The following CCDC18 variants were observed in gnomAD, a reference collection of about 807,000 sequenced individuals.
CCDC18 encodes coiled-coil domain-containing protein 18.
CCDC18 carries 157 observed loss-of-function variants against 196.0 expected under a neutral mutation model. The ratio of observed to expected loss-of-function variants is 0.80; its 90% CI spans 0.70 to 0.91. The LOEUF is 0.91. CCDC18 is among the 40% of genes least tolerant of loss of function. CCDC18 has a pLI of 0.00. For missense variants in CCDC18, 1,465 were observed against 1,611.6 expected, an observed-to-expected ratio of 0.91 and a Z score of 1.56; for synonymous variants, 482 against 529.2, an observed-to-expected ratio of 0.91 and a Z score of 1.22.
At chr1:93,215,389 T>A (rs1233885016) in intron 12 of CCDC18, among the ~76,000 whole-genome samples, 3 of 151,974 alleles carry the variant, frequency 2.0e-5, no homozygotes, top group African/African-American at 7.2e-5. Context: ...TATTTCTGGG[T>A]CCTGTTCCAG....
intron 13 of CCDC18, among the ~76,000 whole-genome samples, chr1:93,217,287 G>A (rs1451104268): frequency 1.3e-5 from 2 of 151,732 alleles, no homozygotes; most frequent in Admixed American, 6.6e-5. Context: ...TCTTTGATAT[G>A]CTTCTTGATA....
intron 18 of CCDC18, 125 bp downstream of exon 18, chr1:93,232,718 T>A: frequency 2.9e-6 from 2 of 694,088 alleles, no homozygotes; most frequent in Non-Finnish European, 2.3e-6. Context: ...TGCCCATAAT[T>A]CCAGCACTTT....
rs1196818359 is a variant in CCDC18, at chr1:93,256,320, C to A, written c.3343-15C>A. 1 of 1,609,992 alleles carries A rather than the reference C, an allele frequency of 6.2e-7. No individual in the cohort carries two copies. On this transcript the variant is annotated splice_polypyrimidine_tract_variant and intron_variant, in intron 24 of 28. Transcript: ENST00000690025. ...TATTTCATTCTGAAACCTACAAATACCTTATGCTTTTCAGGTTATGAAAGA... is the reference window on the plus strand; with the variant it reads ...TATTTCATTCTGAAACCTACAAATAACTTATGCTTTTCAGGTTATGAAAGA...
intron 14 of CCDC18, among the ~76,000 whole-genome samples, 184 bp downstream of exon 14, chr1:93,218,053 G>A (rs1478675826): frequency 6.6e-6 from 1 of 152,120 alleles, no homozygotes; most frequent in African/African-American, 2.4e-5. Context: ...TATGCCTTCT[G>A]TTTCAGCTGT....
At chr1:93,233,579 T>G (rs1175173363) in intron 18 of CCDC18, among the ~76,000 whole-genome samples, 1 of 152,102 alleles carries the variant, frequency 6.6e-6, no homozygotes, top group African/African-American at 2.4e-5. Flanking sequence ...CTCACTACAT[T>G]TAAACACATC....
At chr1:93,186,211 C>G (rs1417825382) in intron 3 of CCDC18, 134 bp from the exon 4 acceptor site, 1 of 751,852 alleles carries the variant, frequency 1.3e-6, no homozygotes, top group Non-Finnish European at 2.2e-6. Context: ...CTTGTCAATA[C>G]TCACTAAGTA....
chr1:93,195,943 G>T (rs1652650537), intron 6 of CCDC18, among the ~76,000 whole-genome samples: 2 of 152,174 alleles, frequency 1.3e-5, no homozygotes, highest in Admixed American at 6.5e-5. Context: ...AATCATAATG[G>T]ATTAAAAAGC....
chr1:93,230,537 T>A (rs990882768), intron 17 of CCDC18, among the ~76,000 whole-genome samples: 3 of 152,012 alleles, frequency 2.0e-5, no homozygotes, highest in Admixed American at 6.6e-5. Flanking sequence ...TAAAGGTCAG[T>A]ACAATGAAAT....
At chr1:93,182,712 G>A (rs1342939084) in intron 1 of CCDC18, among the ~76,000 whole-genome samples, 1 of 152,116 alleles carries the variant, frequency 6.6e-6, no homozygotes, top group African/African-American at 2.4e-5. Flanking sequence ...CCTGCCAAAT[G>A]TTATTTTGAT....
At chr1:93,224,286 A>G (rs147342535) in intron 16 of CCDC18, among the ~76,000 whole-genome samples, 1 of 152,286 alleles carries the variant, frequency 6.6e-6, no homozygotes, top group East Asian at 1.9e-4. Context: ...GAAGGTACGG[A>G]TGTCATAATA....
chr1:93,258,094 A>T (rs1367202475), intron 25 of CCDC18, among the ~76,000 whole-genome samples: 1 of 149,552 alleles, frequency 6.7e-6, no homozygotes. Context: ...ATTAAAATTA[A>T]ATTAATAAAA....
intron 28 of CCDC18, among the ~76,000 whole-genome samples, chr1:93,278,256 G>A (rs1213257523): frequency 6.6e-6 from 1 of 152,076 alleles, no homozygotes; most frequent in East Asian, 1.9e-4. Flanking sequence ...CCAAAATGCT[G>A]GGATTACAGG....
intron 25 of CCDC18, among the ~76,000 whole-genome samples, chr1:93,257,195 G>A (rs1193410444): frequency 1.7e-5 from 2 of 119,596 alleles, no homozygotes; most frequent in Non-Finnish European, 3.2e-5. Flanking sequence ...TCGTGCCACT[G>A]CACCCCAGCC....
chr1:93,249,973 C>T (rs1313059506), intron 23 of CCDC18, among the ~76,000 whole-genome samples: 1 of 152,030 alleles, frequency 6.6e-6, no homozygotes, highest in Non-Finnish European at 1.5e-5. Context: ...TTTCTTCACT[C>T]ACCCTTTGTT....
At chr1:93,261,303 T>C (rs1034517356) in intron 26 of CCDC18, among the ~76,000 whole-genome samples, 2 of 152,150 alleles carry the variant, frequency 1.3e-5, no homozygotes, top group African/African-American at 4.8e-5. Flanking sequence ...AATTTAAATA[T>C]ATTTAAAAAT....
chr1:93,205,693 T>G (rs1654601156), intron 8 of CCDC18, 62 bp downstream of exon 8: 1 of 1,381,796 alleles, frequency 7.2e-7, no homozygotes, highest in Non-Finnish European at 1.0e-6. Flanking sequence ...TGAAACACTT[T>G]AAAACACAAT....
intron 26 of CCDC18, among the ~76,000 whole-genome samples, chr1:93,264,258 C>G (rs1454995982): frequency 3.3e-5 from 5 of 152,134 alleles, no homozygotes; most frequent in Non-Finnish European, 7.3e-5. Flanking sequence ...AATTACAATT[C>G]AAGATGAAGC....
chr1:93,267,613 C>T (rs1664703399), intron 27 of CCDC18, among the ~76,000 whole-genome samples: 1 of 152,120 alleles, frequency 6.6e-6, no homozygotes, highest in Non-Finnish European at 1.5e-5. Flanking sequence ...AATCAATGTG[C>T]AAAAATAACA....
At chr1:93,231,555 A>T (rs1357429429) in intron 17 of CCDC18, among the ~76,000 whole-genome samples, 1 of 152,132 alleles carries the variant, frequency 6.6e-6, no homozygotes, top group Non-Finnish European at 1.5e-5. Flanking sequence ...ATTTTAAATT[A>T]TGTTTCATTG....
Sources: gnomAD v4.1 joint callset for allele counts (sites outside exome capture counted in the v4.1 genomes callset) on GRCh38, gnomAD v4.1.1 for gene constraint, MANE v1.5 for transcripts, NCBI Gene and HGNC (gene_info 2026-07-23, HGNC 2026-07-21) for gene names.